The following FBN2 variants were observed in gnomAD, a reference collection of about 807,000 sequenced individuals.
FBN2 encodes fibrillin 2, also known as fibrillin-2.
A neutral mutation model predicts 355.6 loss-of-function variants in FBN2; 105 were observed. The observed-to-expected ratio is 0.30, with a 90% CI of 0.25 to 0.35. FBN2 has a LOEUF of 0.35. Among genes scored for constraint, FBN2 ranks in the 10% least tolerant of loss-of-function variants. FBN2 has a pLI of 1.00. For synonymous variants in FBN2, 1,350 were observed against 1,301.2 expected (o/e 1.04, Z -0.81); for missense variants, 3,280 against 3,758.7 (o/e 0.87, Z 3.33).
chr5:128,408,876 G>C, intron 7 of FBN2, 77 bp from the exon 8 acceptor site: 1 of 1,490,942 alleles, frequency 6.7e-7, no homozygotes, highest in Non-Finnish European at 9.3e-7. Flanking sequence ...TTTTTTTTAA[G>C]AGTATGAGAG....
intron 8 of FBN2, among the ~76,000 whole-genome samples, chr5:128,407,278 T>G (rs556969816): frequency 6.6e-6 from 1 of 152,338 alleles, no homozygotes; most frequent in African/African-American, 2.4e-5. Flanking sequence ...ACCATATTTC[T>G]TTTATTTGTA....
intron 47 of FBN2, 24 bp from the exon 48 acceptor site, chr5:128,300,960 A>G: frequency 6.2e-7 from 1 of 1,609,984 alleles, no homozygotes; most frequent in Non-Finnish European, 8.5e-7. Flanking sequence ...GAAGAGAAAA[A>G]ATAATTTAAG....
intron 6 of FBN2, among the ~76,000 whole-genome samples, chr5:128,461,356 T>C (rs1383213866): frequency 1.3e-5 from 2 of 152,018 alleles, no homozygotes; most frequent in African/African-American, 4.8e-5. Flanking sequence ...GGAAACGAGA[T>C]GCTGGCGAGG....
chr5:128,369,342 A>T lies in FBN2; in HGVS notation c.2096-8T>A. The T allele has an allele frequency of 6.2e-7, 1 of 1,613,958 alleles. No homozygotes were observed. The highest frequency in any genetic ancestry group is 8.5e-7 in the Non-Finnish European group (1 of 1,179,938). On this transcript the variant is annotated splice_polypyrimidine_tract_variant and splice_region_variant and intron_variant, in intron 15 of 64. Coordinates refer to ENST00000262464, the MANE Select transcript of FBN2 (RefSeq NM_001999.4). Reference sequence around the variant, plus strand: ...TACTGCGCATGTGAGTATCTAAAGGAGATACAAAAACAATGACTTGAGGCA... The same window carrying T: ...TACTGCGCATGTGAGTATCTAAAGGTGATACAAAAACAATGACTTGAGGCA...
intron 63 of FBN2, 68 bp downstream of exon 63, chr5:128,263,357 G>A: frequency 3.4e-6 from 4 of 1,171,026 alleles, no homozygotes; most frequent in Non-Finnish European, 5.1e-6. Context: ...TCCCTGCAGT[G>A]GGGGGTGGCC....
intron 6 of FBN2, among the ~76,000 whole-genome samples, chr5:128,451,956 AT>A (rs35691423): frequency 3.9e-5 from 6 of 152,120 alleles, no homozygotes; most frequent in Non-Finnish European, 7.4e-5. Context: ...CCTAAAAAGT[AT>A]TTTTTTAGAA....
chr5:128,409,587 A>G (rs1359955742), intron 7 of FBN2, among the ~76,000 whole-genome samples: 1 of 152,184 alleles, frequency 6.6e-6, no homozygotes, highest in Non-Finnish European at 1.5e-5. Context: ...CAAAGCTGCA[A>G]TTAGGGATAA....
chr5:128,322,514 T>C (rs1457822517), intron 34 of FBN2, among the ~76,000 whole-genome samples: 1 of 152,230 alleles, frequency 6.6e-6, no homozygotes, highest in Non-Finnish European at 1.5e-5. Context: ...GCTAGCCAGT[T>C]TTCCCAGCAC....
At chr5:128,349,910 C>T (rs923083536) in intron 22 of FBN2, 45 bp downstream of exon 22, 9 of 1,434,178 alleles carry the variant, frequency 6.3e-6, no homozygotes, top group Non-Finnish European at 8.9e-6. Flanking sequence ...ATTTTACTTA[C>T]TGCTCAAAAG....
intron 7 of FBN2, among the ~76,000 whole-genome samples, chr5:128,419,206 C>T (rs1014535925): frequency 2.6e-5 from 4 of 152,126 alleles, no homozygotes; most frequent in Non-Finnish European, 2.9e-5. Context: ...TTAGTGTATT[C>T]CTTATTCACT....
intron 2 of FBN2, among the ~76,000 whole-genome samples, chr5:128,532,764 G>A (rs1180749415): frequency 6.6e-6 from 1 of 152,146 alleles, no homozygotes; most frequent in East Asian, 1.9e-4. Flanking sequence ...GAAAACAGTG[G>A]GCTGGGTATG....
At chr5:128,307,636 G>A (rs1182426090) in intron 41 of FBN2, among the ~76,000 whole-genome samples, 1 of 149,682 alleles carries the variant, frequency 6.7e-6, no homozygotes. Flanking sequence ...GGGGAAATAG[G>A]TAAACAATGT....
At chr5:128,467,165 G>A (rs548557584) in intron 5 of FBN2, among the ~76,000 whole-genome samples, 7 of 152,064 alleles carry the variant, frequency 4.6e-5, no homozygotes, top group East Asian at 1.9e-4. Context: ...TTAAACTTAT[G>A]TCCTCTTAGT....
At chr5:128,445,913 T>C (rs1434453942) in intron 7 of FBN2, among the ~76,000 whole-genome samples, 1 of 152,202 alleles carries the variant, frequency 6.6e-6, no homozygotes, top group Non-Finnish European at 1.5e-5. Context: ...ATATTTAATA[T>C]TGCAGAAAAG....
intron 5 of FBN2, among the ~76,000 whole-genome samples, chr5:128,516,465 A>G (rs183110874): frequency 2.0e-3 from 297 of 151,870 alleles, no homozygotes; most frequent in Admixed American, 2.2e-3. Context: ...GGTTACCCAC[A>G]CTCAGACTCA....
chr5:128,344,607 T>C, intron 24 of FBN2, 97 bp from the exon 25 acceptor site: 2 of 1,125,310 alleles, frequency 1.8e-6, no homozygotes, highest in Non-Finnish European at 2.7e-6. Context: ...ACAACAGTAA[T>C]GCATCCAAGT....
intron 9 of FBN2, among the ~76,000 whole-genome samples, chr5:128,394,673 T>G (rs1752600368): frequency 6.6e-6 from 1 of 152,176 alleles, no homozygotes; most frequent in African/African-American, 2.4e-5. Context: ...TTAGATATTA[T>G]CAAAACTGAT....
chr5:128,274,514 T>G (rs542426658), intron 60 of FBN2, 53 bp downstream of exon 60: 269 of 908,832 alleles, frequency 3.0e-4, no homozygotes, highest in Non-Finnish European at 4.7e-4. Flanking sequence ...AAATATAATT[T>G]TTATGCATCT....
At chr5:128,339,639 C>G (rs1199621580) in intron 25 of FBN2, among the ~76,000 whole-genome samples, 1 of 152,174 alleles carries the variant, frequency 6.6e-6, no homozygotes, top group Non-Finnish European at 1.5e-5. Context: ...AACCCTGCAA[C>G]TGTGGTATGG....
Sources: gnomAD v4.1 joint callset for allele counts (sites outside exome capture counted in the v4.1 genomes callset) on GRCh38, gnomAD v4.1.1 for gene constraint, MANE v1.5 for transcripts, NCBI Gene and HGNC (gene_info 2026-07-23, HGNC 2026-07-21) for gene names.